Variants in FGD3 observed in about 807,000 individuals in gnomAD.
FGD3 encodes FYVE, RhoGEF and PH domain containing 3, also known as FYVE, RhoGEF and PH domain-containing protein 3.
In FGD3, 45 loss-of-function variants were observed where a neutral mutation model predicts 71.8. The observed-to-expected ratio is 0.63, with a 90% CI of 0.49 to 0.80. FGD3 has a LOEUF of 0.80. Among genes scored for constraint, FGD3 ranks in the 30% least tolerant of loss-of-function variants. The pLI is 0.00. For synonymous variants in FGD3, 378 were observed against 392.8 expected (o/e 0.96, Z 0.44); for missense variants, 844 against 951.5 (o/e 0.89, Z 1.49).
At chr9:92,996,439 T>C (rs569605554) in intron 3 of FGD3, among the ~76,000 whole-genome samples, 111 of 152,304 alleles carry the variant, frequency 7.3e-4, no homozygotes, top group Non-Finnish European at 1.1e-3. Flanking sequence ...CCTGGATTCA[T>C]TGATTTTTTT....
At chr9:93,032,362 T>C (rs1335399468) in intron 15 of FGD3, 1 of 193,380 alleles carries the variant, frequency 5.2e-6, no homozygotes, top group Admixed American at 5.3e-5. Context: ...CACTATTTTC[T>C]TTTTGTCGCT....
intron 13 of FGD3, 83 bp downstream of exon 13, chr9:93,020,507 G>T: frequency 8.4e-7 from 1 of 1,194,576 alleles, no homozygotes; most frequent in Non-Finnish European, 1.2e-6. Flanking sequence ...GTCTGGGTGG[G>T]CAGCTTGACC....
chr9:92,949,745 A>C (rs990250786), intron 1 of FGD3, among the ~76,000 whole-genome samples: 4 of 152,160 alleles, frequency 2.6e-5, no homozygotes, highest in Non-Finnish European at 5.9e-5. Flanking sequence ...GAAATGTGCC[A>C]GGAAGGACAG....
In FGD3 at chr9:93,034,799, G is replaced by C. The variant is rs548578132; in HGVS notation, c.1926+118G>C. The C allele has an allele frequency of 8.5e-6, 10 of 1,179,968 alleles. No individual in the cohort carries two copies. The East Asian group carries it at 2.7e-4, about 32-fold the overall frequency. 73.1% of individuals were successfully genotyped at this position (1,179,968 alleles called of 1,614,324 possible). On this transcript the variant is annotated intron_variant, in intron 17 of 17. Coordinates refer to ENST00000375482, the MANE Select transcript of FGD3 (RefSeq NM_001083536.2). ...CCACCTGCTTGAGCAGTGTTACCTGGGGCCTCAGTTTCCCCGGCAGCGCAG... is the reference window on the plus strand; with the variant it reads ...CCACCTGCTTGAGCAGTGTTACCTGCGGCCTCAGTTTCCCCGGCAGCGCAG...
chr9:92,993,212 A>G (rs1039113956), intron 3 of FGD3, among the ~76,000 whole-genome samples: 1 of 152,106 alleles, frequency 6.6e-6, no homozygotes, highest in Non-Finnish European at 1.5e-5. Flanking sequence ...TAAGTGACCT[A>G]CCTCAACCTC....
Position 93,015,785 on chromosome 9 carries a change from C to T in FGD3, c.1231C>T (p.Gln411Ter), listed in dbSNP as rs1410082266. 6.2e-7 allele frequency: 1 copy of T among 1,614,152 alleles called. No individual in the cohort carries two copies. Among genetic ancestry groups the T allele is most frequent in the South Asian group, 1.1e-5 (1 of 91,088 alleles). ...YCVPKLRLMG[Q>*]KFSVREKMDI... ...TGTGCCCAAGCTGCGGCTCATGGGC[C>T]AGAAGTTCAGCGTCCGGGAGAAGAT... is the stretch of plus-strand genomic sequence containing the variant. The change falls in exon 10 of 18, where the codon CAG (glutamine) becomes TAG (stop). Residue 411 changes from glutamine (Q) to a stop codon, truncating the protein, a stop_gained. Coordinates refer to ENST00000375482, the MANE Select transcript of FGD3 (RefSeq NM_001083536.2). LOFTEE classifies it high-confidence loss of function.
chr9:93,027,949 C>T (rs1410754996), intron 14 of FGD3, among the ~76,000 whole-genome samples: 1 of 151,960 alleles, frequency 6.6e-6, no homozygotes, highest in Non-Finnish European at 1.5e-5. Flanking sequence ...GAACTTCTGG[C>T]CTCAAGCAAC....
At chr9:93,035,289 C>A (rs376602770) in intron 17 of FGD3, 49 bp from the exon 18 acceptor site, 1 of 1,576,046 alleles carries the variant, frequency 6.3e-7, no homozygotes, top group Non-Finnish European at 8.6e-7. Flanking sequence ...GAGGTGAGCC[C>A]GAGGCCGGGA....
intron 3 of FGD3, among the ~76,000 whole-genome samples, chr9:92,993,129 G>T (rs1860484874): frequency 6.6e-6 from 1 of 152,118 alleles, no homozygotes; most frequent in Non-Finnish European, 1.5e-5. Context: ...CCATCTTACT[G>T]ATATCACTCT....
intron 14 of FGD3, among the ~76,000 whole-genome samples, chr9:93,028,339 GAAAA>G (rs58386783): frequency 2.2e-5 from 3 of 139,174 alleles, no homozygotes; most frequent in African/African-American, 7.7e-5. Context: ...TTTTAAACAG[GAAAA>G]AAAAAAAAAA....
intron 3 of FGD3, among the ~76,000 whole-genome samples, chr9:93,002,673 C>G (rs958176834): frequency 1.3e-5 from 2 of 152,136 alleles, no homozygotes; most frequent in African/African-American, 4.8e-5. Context: ...CTGTTTAGTC[C>G]ATCATCTTGC....
At chr9:92,997,956 C>T (rs1195782402) in intron 3 of FGD3, among the ~76,000 whole-genome samples, 2 of 152,152 alleles carry the variant, frequency 1.3e-5, no homozygotes, top group African/African-American at 2.4e-5. Context: ...CTTGGAGTTG[C>T]TCTTCTCAAG....
At chr9:93,015,860 C>G (rs749006240) in intron 10 of FGD3, 31 bp downstream of exon 10, 27 of 1,598,750 alleles carry the variant, frequency 1.7e-5, no homozygotes, top group Non-Finnish European at 2.1e-5. Context: ...CAAACCTGTC[C>G]CCCTGGAAGG....
chr9:92,964,639 A>G (rs905566736), intron 1 of FGD3, among the ~76,000 whole-genome samples: 3 of 152,186 alleles, frequency 2.0e-5, no homozygotes, highest in East Asian at 1.9e-4. Flanking sequence ...AGTGTTGCCT[A>G]TCGTCTGGGG....
rs1165647695 is a variant in FGD3, at chr9:92,976,414, G to A, written c.158G>A (p.Gly53Glu). 6.2e-7 allele frequency: 1 copy of A among 1,611,642 alleles called. No homozygotes were observed. Among genetic ancestry groups the A allele is most frequent in the South Asian group, 1.1e-5 (1 of 90,598 alleles). The change falls in exon 3 of 18, where the codon GGG becomes GAG. Residue 53 changes from glycine (G) to glutamate (E), a missense_variant. Coordinates refer to ENST00000375482, the MANE Select transcript of FGD3 (RefSeq NM_001083536.2). ...CGDPVSLAAA[G>E]DGSPDIGPTG... is the part of the protein sequence containing the mutation. ...GACCCTGTCAGCCTGGCTGCAGCAG[G>A]GGACGGCTCTCCAGACATAGGCCCC... is the stretch of plus-strand genomic sequence containing the variant.
At chr9:93,005,101 A>G (rs1861002462) in intron 5 of FGD3, among the ~76,000 whole-genome samples, 1 of 151,862 alleles carries the variant, frequency 6.6e-6, no homozygotes, top group Non-Finnish European at 1.5e-5. Flanking sequence ...ACAGGGGTCC[A>G]ATGACTTAGC....
At chr9:93,023,377 C>G (rs1188793237) in intron 14 of FGD3, among the ~76,000 whole-genome samples, 1 of 152,210 alleles carries the variant, frequency 6.6e-6, no homozygotes, top group East Asian at 1.9e-4. Context: ...TGTAGTGCTT[C>G]AGGGGCACGA....
At chr9:92,991,539 A>C (rs1355302678) in intron 3 of FGD3, among the ~76,000 whole-genome samples, 1 of 152,172 alleles carries the variant, frequency 6.6e-6, no homozygotes, top group Non-Finnish European at 1.5e-5. Flanking sequence ...TTTTGATTTA[A>C]AAAAAATTCT....
At chr9:93,000,526 C>T (rs1371931534) in intron 3 of FGD3, among the ~76,000 whole-genome samples, 1 of 152,090 alleles carries the variant, frequency 6.6e-6, no homozygotes, top group East Asian at 1.9e-4. Context: ...GTTTATTTCT[C>T]CATTTTTGAA....
Sources: gnomAD v4.1 joint callset for allele counts (sites outside exome capture counted in the v4.1 genomes callset) on GRCh38, gnomAD v4.1.1 for gene constraint, MANE v1.5 for transcripts, NCBI Gene and HGNC (gene_info 2026-07-23, HGNC 2026-07-21) for gene names.